The following PCDHGA4 variants were observed in gnomAD, a reference collection of about 807,000 sequenced individuals.
PCDHGA4 encodes protocadherin gamma-A4.
In PCDHGA4, 38 loss-of-function variants were observed where a neutral mutation model predicts 54.6. That is an observed-to-expected ratio of 0.70 (90% CI 0.54 to 0.91). PCDHGA4 has a LOEUF of 0.91. PCDHGA4 is among the 40% of genes least tolerant of loss of function. The pLI is 0.00. For missense variants in PCDHGA4, 1,298 were observed against 1,220.9 expected (o/e 1.06, Z -0.94); for synonymous variants, 511 against 512.9 (o/e 1.00, Z 0.05).
At chr5:141,393,447 C>T (rs753693736) in intron 1 of PCDHGA4, 3 of 1,614,052 alleles carry the variant, frequency 1.9e-6, no homozygotes, top group East Asian at 4.5e-5. Context: ...CCACCTGGTC[C>T]TCACGGCCTC....
At chr5:141,399,048 G>C (rs779434482) in intron 1 of PCDHGA4, 7 of 1,613,830 alleles carry the variant, frequency 4.3e-6, no homozygotes, top group Non-Finnish European at 5.1e-6. Flanking sequence ...ATTTTGAAGA[G>C]ACCAAGGAAT....
chr5:141,430,657 A>G (rs2097300740), intron 1 of PCDHGA4: 1 of 1,093,240 alleles, frequency 9.1e-7, no homozygotes, highest in African/African-American at 1.6e-5. Flanking sequence ...GAAACAACGG[A>G]GGAGCTCTGA....
chr5:141,432,870 T>C lies in PCDHGA4; in HGVS notation c.2515-61937T>C, dbSNP rs1022024380. The stretch of plus-strand genomic sequence containing the variant: ...GCGGTGGCCGCGGTCTCCTGCGTCT[T>C]CCTGGCCTTCGTCATCTTGCTGCTG... On this transcript the variant is annotated intron_variant, in intron 1 of 3. Transcript: ENST00000571252. This position sits in a 1 kb window ranked among gnomAD's most constrained non-coding sequence, Gnocchi z 6.0. The C allele has an allele frequency of 1.9e-6, 3 of 1,614,030 alleles. No homozygotes were observed. In the African/African-American group the frequency reaches 4.0e-5, roughly 22 times the overall value.
At chr5:141,403,495 C>T (rs2094413954) in intron 1 of PCDHGA4, 2 of 1,614,014 alleles carry the variant, frequency 1.2e-6, no homozygotes, top group Non-Finnish European at 1.7e-6. Flanking sequence ...TCTCCCTGAA[C>T]GTGCAGACTG....
At chr5:141,494,972 C>A in intron 2 of PCDHGA4, 107 bp downstream of exon 2, 1 of 1,581,852 alleles carries the variant, frequency 6.3e-7, no homozygotes, top group South Asian at 1.1e-5. Flanking sequence ...TGGCTTCTCC[C>A]TCAGTTTGAG....
chr5:141,410,645 A>G (rs755117096), intron 1 of PCDHGA4: 11 of 1,597,402 alleles, frequency 6.9e-6, no homozygotes, highest in Non-Finnish European at 9.3e-6. Flanking sequence ...TTTGTGTGTG[A>G]TTTATCTAAT....
At chr5:141,419,781 G>A in intron 1 of PCDHGA4, 1 of 1,614,032 alleles carries the variant, frequency 6.2e-7, no homozygotes, top group Non-Finnish European at 8.5e-7. Flanking sequence ...GTCCGCCAGC[G>A]CCTGCTAGTC....
chr5:141,503,763 T>C (rs1014883264), intron 2 of PCDHGA4, among the ~76,000 whole-genome samples: 1 of 152,174 alleles, frequency 6.6e-6, no homozygotes, highest in Non-Finnish European at 1.5e-5. Context: ...ATGGCAGCCT[T>C]GTGTCTGTTC....
At chr5:141,419,642 G>A (rs376762490) in intron 1 of PCDHGA4, 1 of 1,612,412 alleles carries the variant, frequency 6.2e-7, no homozygotes, top group African/African-American at 1.3e-5. Context: ...GGTGGCCGTG[G>A]ACGCGGACTC....
rs1760504404 is a variant in PCDHGA4, at chr5:141,357,190, G to C, written c.2083G>C (p.Val695Leu). ...GGCCACCGTCACACTCACTGTGGCT[G>C]TGGCCGACAGCATCCCAGATGTCCT... ...LSATVTLTVA[V>L]ADSIPDVLAD... Residue 695 changes from valine to leucine, a missense_variant, in exon 1 of 4, where the codon GTG becomes CTG. Transcript: ENST00000571252. 6.2e-7 allele frequency: 1 copy of C among 1,613,670 alleles called. No individual in the cohort carries two copies. Among genetic ancestry groups the C allele is most frequent in the Admixed American group, 1.7e-5 (1 of 60,012 alleles).
chr5:141,426,873 C>T (rs1299082117), intron 1 of PCDHGA4: 1 of 456,702 alleles, frequency 2.2e-6, no homozygotes, highest in East Asian at 6.9e-5. Context: ...GCTGGAGAAG[C>T]CCCTGGGCCA....
Position 141,365,783 on chromosome 5 carries a change from G to T in PCDHGA4, c.2514+8162G>T, listed in dbSNP as rs906678928. 8 of 1,613,842 alleles carry T rather than the reference G, an allele frequency of 5.0e-6. No individual in the cohort carries two copies. Among genetic ancestry groups the T allele is most frequent in the Non-Finnish European group, 6.8e-6 (8 of 1,179,874 alleles). On this transcript the variant is annotated intron_variant, in intron 1 of 3. Transcript: ENST00000571252. ...CCATGACCCCGACAGCGGCGACAAC[G>T]CTCGAGTCACCTACTCCCTGGCTGA...
In PCDHGA4 at chr5:141,511,217, C is replaced by A. The variant is rs766814445; in HGVS notation, c.*44C>A. On this transcript the variant is annotated 3_prime_UTR_variant, in exon 4 of 4. Transcript: ENST00000571252. ...AGCCACAGGGCGGCCTCTCCCCAAC[C>A]AGCCCAGCTTCTCCTTACCTGCACC... The A allele has an allele frequency of 2.5e-6, 4 of 1,607,588 alleles. No homozygotes were observed. Among genetic ancestry groups the A allele is most frequent in the Non-Finnish European group, 3.4e-6 (4 of 1,177,026 alleles).
intron 1 of PCDHGA4, chr5:141,385,668 C>G (rs2090319612): frequency 2.3e-6 from 1 of 428,688 alleles, no homozygotes; most frequent in African/African-American, 2.1e-5. Flanking sequence ...AGGAATAAAA[C>G]ACACCTCAGC....
Position 141,383,260 on chromosome 5 carries a change from G to C in PCDHGA4, c.2514+25639G>C, listed in dbSNP as rs375487349. On this transcript the variant is annotated intron_variant, in intron 1 of 3. Coordinates refer to ENST00000571252, the MANE Select transcript of PCDHGA4 (RefSeq NM_018917.4). ...TAAAATGAATCTTTACCCTATAGAC[G>C]TGGAAATAATAGATATTAATGACAA... 3.7e-6 allele frequency: 6 copies of C among 1,613,782 alleles called. No homozygotes were observed. The African/African-American group carries it at 6.7e-5, about 18-fold the overall frequency.
At chr5:141,427,570 C>T (rs1487817661) in intron 1 of PCDHGA4, 1 of 662,270 alleles carries the variant, frequency 1.5e-6, no homozygotes, top group Admixed American at 2.1e-5. Context: ...GGCAAGCCTC[C>T]GCTCTCATCC....
At chr5:141,497,101 G>A (rs1465038195) in intron 2 of PCDHGA4, among the ~76,000 whole-genome samples, 1 of 152,042 alleles carries the variant, frequency 6.6e-6, no homozygotes, top group African/African-American at 2.4e-5. Flanking sequence ...AGGCAGAACT[G>A]CTTGAACCCG....
chr5:141,472,856 C>T (rs1251907207), intron 1 of PCDHGA4, among the ~76,000 whole-genome samples: 5 of 150,296 alleles, frequency 3.3e-5, no homozygotes, highest in East Asian at 2.0e-4. Flanking sequence ...CATGGTGGCA[C>T]ATGCCTGTAT....
chr5:141,478,394 G>T (rs2099453142), intron 1 of PCDHGA4: 4 of 1,613,586 alleles, frequency 2.5e-6, no homozygotes, highest in Non-Finnish European at 3.4e-6. Flanking sequence ...TTACCATCAG[G>T]TGTATCTCAC....
Sources: allele counts gnomAD v4.1 joint callset (sites outside exome capture counted in the v4.1 genomes callset), GRCh38; gene constraint gnomAD v4.1.1; non-coding constraint Gnocchi (gnomAD v3.1); transcripts MANE v1.5; gene names NCBI Gene and HGNC (gene_info 2026-07-23, HGNC 2026-07-21).